USP31: variants seen among roughly 807,000 people sequenced by gnomAD.
USP31 encodes ubiquitin specific peptidase 31, also known as ubiquitin carboxyl-terminal hydrolase 31.
Under a neutral mutation model 119.4 loss-of-function variants are expected in USP31, and 44 were observed. That is an observed-to-expected ratio of 0.37 (90% CI 0.29 to 0.47). USP31 has a LOEUF of 0.47. USP31 is among the 20% of genes least tolerant of loss of function. USP31 has a pLI of 0.99. For synonymous variants in USP31, 749 were observed against 705.6 expected (o/e 1.06, Z -0.97); for missense variants, 1,643 against 1,730.2 (o/e 0.95, Z 0.89).
intron 1 of USP31, among the ~76,000 whole-genome samples, chr16:23,136,600 G>A (rs1903198176): frequency 6.6e-6 from 1 of 150,996 alleles, no homozygotes. Flanking sequence ...GCTGCAGTGA[G>A]CTAAGATCGT....
Position 23,094,342 on chromosome 16 carries a change from G to C in USP31, c.1235-3538C>G, listed in dbSNP as rs564083809. On this transcript the variant is annotated intron_variant, in intron 6 of 15. Transcript: ENST00000219689. ...CTTGAGTAGGTAAACAAAGCAGCCA[G>C]GAAGCTCAAACTGGGCAGAGCCCCT... is the stretch of plus-strand genomic sequence containing the variant. Among the ~76,000 whole-genome samples, 42 of 152,314 alleles carry C rather than the reference G, an allele frequency of 2.8e-4. 1 individual carries two copies. The South Asian group carries it at 8.7e-3, about 32-fold the overall frequency.
At position 23,149,358 on chromosome 16, in the gene USP31, C is replaced by G; in HGVS notation, c.-88G>C. On this transcript the variant is annotated 5_prime_UTR_variant, in exon 1 of 16. Transcript: ENST00000219689. Reference sequence around the variant, plus strand: ...GCCGCCGCATCCCGCAGCGCCGCGCCTCACCGGGCCCGGGGGCTCGACGCC... The same window carrying G: ...GCCGCCGCATCCCGCAGCGCCGCGCGTCACCGGGCCCGGGGGCTCGACGCC... 1.0e-6 allele frequency: 1 copy of G among 993,686 alleles called. No homozygotes were observed. Among genetic ancestry groups the G allele is most frequent in the Non-Finnish European group, 1.2e-6 (1 of 836,808 alleles). The allele number at this position is 993,686 out of a possible 1,614,324, so 61.6% of individuals were successfully genotyped here.
chr16:23,107,958 G>C (rs1171054771), intron 2 of USP31, 88 bp downstream of exon 2: 5 of 1,464,262 alleles, frequency 3.4e-6, no homozygotes, highest in Non-Finnish European at 4.6e-6. Context: ...CAATTTCATT[G>C]TATTAACGCA....
chr16:23,067,278 C>T lies in USP31; in HGVS notation c.*768G>A, dbSNP rs993363384. On this transcript the variant is annotated 3_prime_UTR_variant, in exon 16 of 16. Coordinates refer to ENST00000219689, the MANE Select transcript of USP31 (RefSeq NM_020718.4). ...TTTCTGGCTATCCAATCTGCCACTT[C>T]CTAGGACCTATCCCAAGAGTCAAGA... 3 of 152,644 alleles carry T rather than the reference C, an allele frequency of 2.0e-5. No homozygotes were observed. Among genetic ancestry groups the T allele is most frequent in the Non-Finnish European group, 4.4e-5 (3 of 68,036 alleles). The allele number at this position is 152,644 out of a possible 1,614,324, so 9.5% of individuals were successfully genotyped here. A position where few individuals can be genotyped will look rare whatever the true frequency, so the allele number is the denominator to read the frequency against.
intron 1 of USP31, among the ~76,000 whole-genome samples, chr16:23,118,821 T>C (rs1374852067): frequency 6.6e-6 from 1 of 151,884 alleles, no homozygotes; most frequent in Non-Finnish European, 1.5e-5. Flanking sequence ...AAATTCACCC[T>C]TAATGGCTGG....
chr16:23,102,243 A>T, intron 6 of USP31, 76 bp downstream of exon 6: 1 of 1,473,876 alleles, frequency 6.8e-7, no homozygotes, highest in Admixed American at 2.3e-5. Flanking sequence ...ATCATTATAT[A>T]ATAGACAACT....
intron 15 of USP31, among the ~76,000 whole-genome samples, chr16:23,071,616 AGG>A (rs1251569300): frequency 2.6e-5 from 4 of 152,192 alleles, no homozygotes; most frequent in Non-Finnish European, 5.9e-5. Flanking sequence ...TTGGAAGGTG[AGG>A]CTCTCCTGGG....
intron 13 of USP31, among the ~76,000 whole-genome samples, chr16:23,076,907 G>A (rs1900601194): frequency 1.3e-5 from 2 of 152,284 alleles, no homozygotes; most frequent in South Asian, 2.1e-4. Context: ...CAGTCCACAA[G>A]TATAGAATTC....
At chr16:23,128,073 C>T (rs1244709204) in intron 1 of USP31, among the ~76,000 whole-genome samples, 1 of 152,070 alleles carries the variant, frequency 6.6e-6, no homozygotes, top group Non-Finnish European at 1.5e-5. Flanking sequence ...AGATACAAGA[C>T]CAATGAGGGT....
In USP31 at chr16:23,124,494, C is replaced by T. The variant is rs183678163; in HGVS notation, c.634-16311G>A. On this transcript the variant is annotated intron_variant, in intron 1 of 15. Transcript: ENST00000219689. ...AATGTATCATACTGAGAAGTGAGTG[C>T]CCTCTCCGGGACATACTCGTCAGTG... Among the ~76,000 whole-genome samples, 10 of 152,274 alleles carry T rather than the reference C, an allele frequency of 6.6e-5. No homozygotes were observed. In the East Asian group the frequency reaches 1.7e-3, roughly 26 times the overall value.
intron 7 of USP31, among the ~76,000 whole-genome samples, chr16:23,089,763 GC>G (rs1415917074): frequency 4.6e-5 from 7 of 152,138 alleles, no homozygotes; most frequent in Non-Finnish European, 8.8e-5. Flanking sequence ...CTTACAGAGG[GC>G]ATTAGACAAA....
intron 2 of USP31, 65 bp from the exon 3 acceptor site, chr16:23,106,552 T>A: frequency 1.4e-6 from 2 of 1,452,662 alleles, no homozygotes; most frequent in Non-Finnish European, 1.9e-6. Context: ...AAGATGAAGC[T>A]AGAGAATCAC....
At chr16:23,139,855 A>G (rs1219694083) in intron 1 of USP31, among the ~76,000 whole-genome samples, 2 of 152,158 alleles carry the variant, frequency 1.3e-5, no homozygotes, top group Non-Finnish European at 2.9e-5. Context: ...CTCAATTTCT[A>G]TCAGCTATTA....
At position 23,072,050 on chromosome 16, in the gene USP31, T is replaced by A. The variant is rs1900368347; in HGVS notation, c.2483A>T (p.Asp828Val). 1 of 1,611,504 alleles carries A rather than the reference T, an allele frequency of 6.2e-7. No homozygotes were observed. The highest frequency in any genetic ancestry group is 8.5e-7 in the Non-Finnish European group (1 of 1,178,186). Residue 828 changes from aspartate (D) to valine (V), a missense_variant, in exon 15 of 16, where the codon GAT becomes GTT. Physicochemically the swap from Asp to Val is radical, Grantham distance 152. This residue lies in a region of USP31 where 279 missense variants were observed against 372.2 expected (regional missense o/e 0.75). Transcript: ENST00000219689. The part of the protein sequence containing the change: ...SVEMTGERSE[D>V]DGGFSTRPFV... ...TCACCAAAACCCACACCCACCATCA[T>A]CTTCACTCCTTTCTCCAGTCATCTC...
intron 1 of USP31, among the ~76,000 whole-genome samples, chr16:23,141,752 G>A (rs573362470): frequency 1.1e-4 from 17 of 152,156 alleles, no homozygotes; most frequent in East Asian, 3.8e-4. Flanking sequence ...TAAAAGTTCC[G>A]TAAAGGAAGG....
chr16:23,086,723 G>A (rs367555304), intron 9 of USP31, among the ~76,000 whole-genome samples: 1 of 152,200 alleles, frequency 6.6e-6, no homozygotes. Context: ...TTCTTACATT[G>A]TGGAACACGG....
At chr16:23,104,463 C>G (rs1373030564) in intron 5 of USP31, among the ~76,000 whole-genome samples, 1 of 152,224 alleles carries the variant, frequency 6.6e-6, no homozygotes, top group Non-Finnish European at 1.5e-5. Context: ...TCGCTCCCTC[C>G]CTTTCTGCCT....
At chr16:23,086,098 T>C (rs1004058399) in intron 9 of USP31, among the ~76,000 whole-genome samples, 3 of 152,156 alleles carry the variant, frequency 2.0e-5, no homozygotes, top group African/African-American at 7.2e-5. Context: ...TGCACCCTTC[T>C]TCCTCCTTCC....
intron 1 of USP31, among the ~76,000 whole-genome samples, chr16:23,138,971 C>G (rs1346652807): frequency 6.6e-6 from 1 of 152,210 alleles, no homozygotes; most frequent in Non-Finnish European, 1.5e-5. Context: ...GCATGGGCCA[C>G]TTCACTCATC....
Sources: allele counts gnomAD v4.1 joint callset (sites outside exome capture counted in the v4.1 genomes callset), GRCh38; gene constraint gnomAD v4.1.1; regional missense constraint gnomAD v4.1.1; transcripts MANE v1.5; gene names NCBI Gene and HGNC (gene_info 2026-07-23, HGNC 2026-07-21).